Variants in GSE1 observed in about 807,000 individuals in gnomAD.
GSE1 encodes the protein Gse1 coiled-coil protein.
Under a neutral mutation model 112.6 loss-of-function variants are expected in GSE1, and 32 were observed. The observed-to-expected ratio is 0.28, with a 90% CI of 0.21 to 0.38. The LOEUF (loss-of-function observed/expected upper bound fraction) is 0.38. Ranked by LOEUF, GSE1 falls within the 10% of genes least tolerant of loss-of-function variation. The probability of loss-of-function intolerance (pLI) is 1.00; values close to 1 mark genes in which losing one functional copy is unlikely to be tolerated. For synonymous variants in GSE1, 1,115 were observed against 735.6 expected, an observed-to-expected ratio of 1.52 and a Z score of -8.35; for missense variants, 2,348 against 1,699.2, an observed-to-expected ratio of 1.38 and a Z score of -6.71.
chr16:85,304,609 T>TGG lies in GSE1; in HGVS notation c.2284-52851_2284-52850dup, dbSNP rs34644508. ...AGCTGCCAAGCCGGGGGCGGGGGGG[T>TGG]GGGGCATCCCTTTTGCCTTGAGTCC... is the stretch of plus-strand genomic sequence containing the variant. On this transcript the variant is annotated intron_variant, in intron 1 of 2. Transcript: ENST00000637419. Among the ~76,000 whole-genome samples, 20 of 110,940 alleles carry TGG rather than the reference T, an allele frequency of 1.8e-4. 1 individual carries two copies. Among genetic ancestry groups the TGG allele is most frequent in the Non-Finnish European group, 2.7e-4 (15 of 54,574 alleles). The allele number at this position is 110,940 out of a possible 152,430, so 72.8% of individuals were successfully genotyped here. A position where few individuals can be genotyped will look rare whatever the true frequency, so the allele number is the denominator to read the frequency against.
chr16:85,673,674 T>TCCACTC lies in GSE1; in HGVS notation c.*1138_*1143dup, dbSNP rs1480852285. 6.6e-6 allele frequency: 1 copy of TCCACTC among 152,236 alleles called. No homozygotes were observed. The highest frequency in any genetic ancestry group is 1.5e-5 in the Non-Finnish European group (1 of 68,062). 9.4% of individuals were successfully genotyped at this position (152,236 alleles called of 1,614,324 possible). A position where few individuals can be genotyped will look rare whatever the true frequency, so the allele number is the denominator to read the frequency against. On this transcript the variant is annotated 3_prime_UTR_variant, in exon 16 of 16. Coordinates refer to ENST00000253458, the MANE Select transcript of GSE1 (RefSeq NM_014615.5). Reference sequence around the variant, plus strand: ...AAGCCATGCGCTACTGCTTACCTCCTCCACTCCCCCTGCCTGCCCCCAGCA... The same window carrying TCCACTC: ...AAGCCATGCGCTACTGCTTACCTCCTCCACTCCCACTCCCCCTGCCTGCCCCCAGCA...
At chr16:85,246,255 C>T (rs551929131) in intron 1 of GSE1, among the ~76,000 whole-genome samples, 1 of 111,114 alleles carries the variant, frequency 9.0e-6, no homozygotes, top group African/African-American at 3.3e-5. Flanking sequence ...CACACGCTGT[C>T]TACACACACA....
At chr16:85,605,461 T>C (rs1402198038) in intron 1 of GSE1, among the ~76,000 whole-genome samples, 1 of 152,018 alleles carries the variant, frequency 6.6e-6, no homozygotes, top group African/African-American at 2.4e-5. Flanking sequence ...GCACAGCAAA[T>C]GTAAGGGAAT....
At chr16:85,300,343 C>T (rs1290310326) in intron 1 of GSE1, among the ~76,000 whole-genome samples, 3 of 152,158 alleles carry the variant, frequency 2.0e-5, no homozygotes, top group Admixed American at 6.5e-5. Flanking sequence ...TACACCTCAG[C>T]GACATTGAGT....
intron 1 of GSE1, among the ~76,000 whole-genome samples, chr16:85,557,139 G>T (rs906182644): frequency 7.9e-5 from 12 of 152,238 alleles, no homozygotes; most frequent in Non-Finnish European, 1.5e-4. Context: ...CATGGAAGCT[G>T]GTGATCCAGG....
chr16:85,385,507 C>T (rs1184011642), intron 2 of GSE1, among the ~76,000 whole-genome samples: 1 of 152,108 alleles, frequency 6.6e-6, no homozygotes, highest in Non-Finnish European at 1.5e-5. Flanking sequence ...TTCTCGGGGG[C>T]CCTGGGGAGC....
intron 1 of GSE1, among the ~76,000 whole-genome samples, chr16:85,268,382 C>T (rs4782696): frequency 0.73 from 110,654 of 151,988 alleles, 41,496 homozygotes; most frequent in African/African-American, 0.91. Context: ...CCGCGCCGAG[C>T]CCCCCAGTGA....
chr16:85,520,401 T>TGGA (rs1379927961), intron 2 of GSE1, among the ~76,000 whole-genome samples: 1 of 151,504 alleles, frequency 6.6e-6, no homozygotes, highest in Non-Finnish European at 1.5e-5. Flanking sequence ...TGCAGGGTCT[T>TGGA]GGAGGGATCT....
chr16:85,653,305 A>C (rs200554289), intron 3 of GSE1, among the ~76,000 whole-genome samples: 201 of 1,090 alleles, frequency 0.18, 10 homozygotes, highest in East Asian at 0.5. Context: ...TCCTCCTCCT[A>C]CCCCCTCCTC....
At chr16:85,372,379 TGAGGTGGGAGGCTCACCTTAGCCTGG>T in intron 2 of GSE1, among the ~76,000 whole-genome samples, 1 of 149,576 alleles carries the variant, frequency 6.7e-6, no homozygotes, top group South Asian at 2.1e-4. Flanking sequence ...CCCTGGAGGC[TGAGGTGGGAGGCTCACCTTAGCCTGG>T]GAGGTTGAGG....
chr16:85,516,016 C>T (rs1261666085), intron 2 of GSE1, among the ~76,000 whole-genome samples: 1 of 152,134 alleles, frequency 6.6e-6, no homozygotes, highest in Non-Finnish European at 1.5e-5. Context: ...GAATAAAATG[C>T]CAGTGCCTGG....
chr16:85,362,773 G>A (rs1371558332), intron 2 of GSE1, among the ~76,000 whole-genome samples: 5 of 151,836 alleles, frequency 3.3e-5, no homozygotes, highest in South Asian at 2.1e-4. Flanking sequence ...GTAGTGCCAC[G>A]TGGGCCCTGG....
intron 2 of GSE1, among the ~76,000 whole-genome samples, chr16:85,504,066 C>A (rs2051457629): frequency 6.6e-6 from 1 of 152,240 alleles, no homozygotes; most frequent in Non-Finnish European, 1.5e-5. Flanking sequence ...CACGGTGCTG[C>A]CCGCACCTCT....
rs188723166 is a variant in GSE1, at chr16:85,304,010, G to T, written c.2284-53453G>T. 3.3e-3 allele frequency among the ~76,000 whole-genome samples: 503 copies of T among 152,360 alleles called. 6 individuals carry two copies. Among genetic ancestry groups the T allele is most frequent in the African/African-American group, 0.012 (484 of 41,594 alleles). On this transcript the variant is annotated intron_variant, in intron 1 of 2. Transcript: ENST00000637419. ...CCCCAGTGGTCTAGGGCAGGAGAAG[G>T]TTCCAGAAGCGAGGCCCAGATAAGA...
At chr16:85,501,004 T>G (rs900067715) in intron 2 of GSE1, among the ~76,000 whole-genome samples, 3 of 129,038 alleles carry the variant, frequency 2.3e-5, no homozygotes, top group Admixed American at 1.5e-4. Context: ...TTCTGTTTTT[T>G]TTTTTTTTTT....
At chr16:85,209,015 C>T (rs952752882) in intron 1 of GSE1, among the ~76,000 whole-genome samples, 10 of 146,988 alleles carry the variant, frequency 6.8e-5, no homozygotes, top group African/African-American at 1.0e-4. Flanking sequence ...GGGTTCGCTG[C>T]GTGTTGGGGT....
chr16:85,609,960 A>G (rs1422836262), upstream of GSE1, among the ~76,000 whole-genome samples: 2 of 152,134 alleles, frequency 1.3e-5, no homozygotes, highest in East Asian at 3.9e-4. Flanking sequence ...GCCCTTAGGA[A>G]AGCTTTTAAA....
Position 85,672,356 on chromosome 16 carries a change from C to T in GSE1, c.3520-49C>T, listed in dbSNP as rs770474688. The T allele has an allele frequency of 2.7e-6, 4 of 1,472,932 alleles. No homozygotes were observed. In the South Asian group the frequency reaches 3.5e-5, roughly 13 times the overall value. 91.2% of individuals were successfully genotyped at this position (1,472,932 alleles called of 1,614,324 possible). On this transcript the variant is annotated intron_variant, in intron 15 of 15. Coordinates refer to ENST00000253458, the MANE Select transcript of GSE1 (RefSeq NM_014615.5). Reference sequence around the variant, plus strand: ...GCATGTTTGTACTCTACATGCTTGTCCTTACAGAGGAAACGGGTTGGTTTT... The same window carrying T: ...GCATGTTTGTACTCTACATGCTTGTTCTTACAGAGGAAACGGGTTGGTTTT...
At chr16:85,193,323 T>A (rs1229809697) in intron 1 of GSE1, among the ~76,000 whole-genome samples, 1 of 152,198 alleles carries the variant, frequency 6.6e-6, no homozygotes, top group Non-Finnish European at 1.5e-5. Context: ...GTATTCCTGC[T>A]ACGTTTCTAA....
Sources: gnomAD v4.1 joint callset for allele counts (sites outside exome capture counted in the v4.1 genomes callset) on GRCh38, gnomAD v4.1.1 for gene constraint, MANE v1.5 for transcripts, NCBI Gene and HGNC (gene_info 2026-07-23, HGNC 2026-07-21) for gene names.